Variants in VPS33B observed in about 807,000 individuals in gnomAD.
The protein encoded by VPS33B is VPS33B late endosome and lysosome associated, also known as vacuolar protein sorting-associated protein 33B.
VPS33B carries 80 observed loss-of-function variants against 95.3 expected under a neutral mutation model. The observed-to-expected ratio is 0.84, with a 90% CI of 0.70 to 1.01. VPS33B has a LOEUF of 1.01. VPS33B is among the 50% of genes least tolerant of loss of function. The pLI is 0.00. For synonymous variants in VPS33B, 280 were observed against 280.4 expected (o/e 1.00, Z 0.01); for missense variants, 715 against 773.4 (o/e 0.92, Z 0.90).
Position 91,014,463 on chromosome 15 carries a change from A to G in VPS33B, c.240-30T>C, listed in dbSNP as rs761955050. The G allele has an allele frequency of 2.5e-6, 4 of 1,612,264 alleles. No individual in the cohort carries two copies. In the East Asian group the frequency reaches 8.9e-5, roughly 36 times the overall value. On this transcript the variant is annotated intron_variant, in intron 3 of 22. Coordinates refer to ENST00000333371, the MANE Select transcript of VPS33B (RefSeq NM_018668.5). Reference sequence around the variant, plus strand: ...GAGAGAGAAAGAAAAAAAAACAGTGAAGAAGAATTATCAAGTTGGATAGCA... The same window carrying G: ...GAGAGAGAAAGAAAAAAAAACAGTGGAGAAGAATTATCAAGTTGGATAGCA...
In VPS33B at chr15:91,016,946, C is replaced by G; in HGVS notation, c.239+17G>C. The G allele has an allele frequency of 6.2e-7, 1 of 1,613,808 alleles. No homozygotes were observed. The highest frequency in any genetic ancestry group is 8.5e-7 in the Non-Finnish European group (1 of 1,179,754). On this transcript the variant is annotated intron_variant, in intron 3 of 22. Transcript: ENST00000333371. ...TCTTCCAGCTTGGAGTAGGGACAGACTCTCCCAGACACTCACTGTTCATTG... is the reference window on the plus strand; with the variant it reads ...TCTTCCAGCTTGGAGTAGGGACAGAGTCTCCCAGACACTCACTGTTCATTG...
chr15:91,006,744 C>T lies in VPS33B; in HGVS notation c.701-15G>A. On this transcript the variant is annotated splice_polypyrimidine_tract_variant and intron_variant, in intron 9 of 22. Coordinates refer to ENST00000333371, the MANE Select transcript of VPS33B (RefSeq NM_018668.5). The surrounding 1 kb of genome is among the most constrained non-coding windows in gnomAD (Gnocchi z 5.4). ...AAAGTCCACATCTGAAACAGAGATC[C>T]CTGACCATGAAGGTTCTCCCTGACC... 1 of 1,614,154 alleles carries T rather than the reference C, an allele frequency of 6.2e-7. No individual in the cohort carries two copies. Among genetic ancestry groups the T allele is most frequent in the South Asian group, 1.1e-5 (1 of 91,088 alleles).
rs3743448 is a variant in VPS33B, at chr15:91,001,981, C to T, written c.1405+69G>A. On this transcript the variant is annotated intron_variant, in intron 18 of 22. Transcript: ENST00000333371. ...CTTCTCCAATTCATTCTGTCCCTCC[C>T]AGCATGCTGCGTGTTGAGAGAAGTC... 169,844 of 1,610,174 alleles carry T rather than the reference C, an allele frequency of 0.11. 15,068 individuals are homozygous for T. The highest frequency in any genetic ancestry group is 0.5 in the East Asian group (22,177 of 44,792).
In VPS33B at chr15:91,009,760, ATGTT is replaced by A; in HGVS notation, c.403+37_403+40del. 6.2e-7 allele frequency: 1 copy of A among 1,611,094 alleles called. No individual in the cohort carries two copies. Among genetic ancestry groups the A allele is most frequent in the Non-Finnish European group, 8.5e-7 (1 of 1,177,402 alleles). Reference sequence around the variant, plus strand: ...GAACAACAACAGTTTTTTCTTCTGTATGTTCTCTTTCCCTTTCCACTCACATTCA... The same window carrying A: ...GAACAACAACAGTTTTTTCTTCTGTACTCTTTCCCTTTCCACTCACATTCA... On this transcript the variant is annotated intron_variant, in intron 6 of 22. Transcript: ENST00000333371. The surrounding 1 kb of genome is among the most constrained non-coding windows in gnomAD (Gnocchi z 4.1).
At position 91,007,143 on chromosome 15, in the gene VPS33B, G is replaced by A; in HGVS notation, c.604-97C>T. On this transcript the variant is annotated intron_variant, in intron 8 of 22. Transcript: ENST00000333371. This position sits in a 1 kb window ranked among gnomAD's most constrained non-coding sequence, Gnocchi z 5.3. ...CCCTTTCCACGTGATACTTCCTCTT[G>A]TCCCCGAGACAGGAGCTAATTATTC... 2 of 1,330,726 alleles carry A rather than the reference G, an allele frequency of 1.5e-6. No individual in the cohort carries two copies. The highest frequency in any genetic ancestry group is 2.1e-6 in the Non-Finnish European group (2 of 937,026). The allele number at this position is 1,330,726 out of a possible 1,614,324, so 82.4% of individuals were successfully genotyped here. A position where few individuals can be genotyped will look rare whatever the true frequency, so the allele number is the denominator to read the frequency against.
chr15:91,022,331 G>C lies in VPS33B; in HGVS notation c.-82C>G. The C allele has an allele frequency of 7.1e-7, 1 of 1,413,818 alleles. No homozygotes were observed. The allele number at this position is 1,413,818 out of a possible 1,614,324, so 87.6% of individuals were successfully genotyped here. ...GCCGCAGCCCAGGGAAGCGCAAGGG[G>C]GGCTATCCTTCAGGCCTGGGCACCG... On this transcript the variant is annotated 5_prime_UTR_variant, in exon 1 of 23. Transcript: ENST00000333371.
chr15:91,012,252 T>C (rs1405160512), intron 5 of VPS33B, among the ~76,000 whole-genome samples: 2 of 152,174 alleles, frequency 1.3e-5, no homozygotes, highest in Non-Finnish European at 2.9e-5. Context: ...ATTTGTAAGA[T>C]TGTGCTATCA....
chr15:91,007,119 C>T lies in VPS33B; in HGVS notation c.604-73G>A. 1.3e-6 allele frequency: 2 copies of T among 1,514,758 alleles called. No homozygotes were observed. The highest frequency in any genetic ancestry group is 3.3e-5 in the Admixed American group (2 of 59,932). The allele number at this position is 1,514,758 out of a possible 1,614,324, so 93.8% of individuals were successfully genotyped here. A position where few individuals can be genotyped will look rare whatever the true frequency, so the allele number is the denominator to read the frequency against. ...CAGCCCCATACCTACAGAAGTCAGC[C>T]CTTTCCACGTGATACTTCCTCTTGT... On this transcript the variant is annotated intron_variant, in intron 8 of 22. Coordinates refer to ENST00000333371, the MANE Select transcript of VPS33B (RefSeq NM_018668.5). This position sits in a 1 kb window ranked among gnomAD's most constrained non-coding sequence, Gnocchi z 5.3.
chr15:91,020,130 A>C (rs1403379691), intron 1 of VPS33B, among the ~76,000 whole-genome samples: 1 of 152,182 alleles, frequency 6.6e-6, no homozygotes, highest in Non-Finnish European at 1.5e-5. Context: ...TACTTGAAAG[A>C]AATTAACAGT....
At position 91,002,231 on chromosome 15, in the gene VPS33B, A is replaced by T; in HGVS notation, c.1273-49T>A. The T allele has an allele frequency of 1.9e-6, 3 of 1,610,622 alleles. No homozygotes were observed. Among genetic ancestry groups the T allele is most frequent in the Non-Finnish European group, 2.5e-6 (3 of 1,178,390 alleles). ...TTTACTGAGTGTCCAAAGAGCATCT[A>T]GTACTGTCAGGTACTACAGAGTTGA... On this transcript the variant is annotated intron_variant, in intron 17 of 22. Transcript: ENST00000333371. This position sits in a 1 kb window ranked among gnomAD's most constrained non-coding sequence, Gnocchi z 4.7.
rs1049395774 is a variant in VPS33B, at chr15:91,009,268, T to G, written c.403+533A>C. Among the ~76,000 whole-genome samples, 4 of 148,770 alleles carry G rather than the reference T, an allele frequency of 2.7e-5. No individual in the cohort carries two copies. Among genetic ancestry groups the G allele is most frequent in the African/African-American group, 7.7e-5 (3 of 38,828 alleles). ...TCTTTTCCCTCCCTCCCTCTCTCTC[T>G]TTCTCTCTTTTCTTTTATTTTCTTT... is the stretch of plus-strand genomic sequence containing the variant. On this transcript the variant is annotated intron_variant, in intron 6 of 22. Coordinates refer to ENST00000333371, the MANE Select transcript of VPS33B (RefSeq NM_018668.5). This position sits in a 1 kb window ranked among gnomAD's most constrained non-coding sequence, Gnocchi z 4.1.
rs990466738 is a variant in VPS33B, at chr15:90,999,225, T to G, written c.1775-171A>C. 4 of 698,258 alleles carry G rather than the reference T, an allele frequency of 5.7e-6. No homozygotes were observed. In the African/African-American group the frequency reaches 7.2e-5, roughly 13 times the overall value. The allele number at this position is 698,258 out of a possible 1,614,324, so 43.3% of individuals were successfully genotyped here. ...CACTGCTTTCTATGACTGGTATAACTGGGCTCCCTGCTGTGGCAGCCCAGA... is the reference window on the plus strand; with the variant it reads ...CACTGCTTTCTATGACTGGTATAACGGGGCTCCCTGCTGTGGCAGCCCAGA... On this transcript the variant is annotated intron_variant, in intron 22 of 22. Transcript: ENST00000333371. The surrounding 1 kb of genome is among the most constrained non-coding windows in gnomAD (Gnocchi z 5.1).
rs776763253 is a variant in VPS33B at position 91,005,828 on chromosome 15, G to A, written c.940-44C>T. The A allele has an allele frequency of 1.2e-5, 19 of 1,612,348 alleles. No homozygotes were observed. The highest frequency in any genetic ancestry group is 2.7e-5 in the African/African-American group (2 of 74,854). Reference sequence around the variant, plus strand: ...AGGTGAACCCCCCAACCTCAGACACGAGAAACCACCACCCTCCCTCAGTTG... The same window carrying A: ...AGGTGAACCCCCCAACCTCAGACACAAGAAACCACCACCCTCCCTCAGTTG... On this transcript the variant is annotated intron_variant, in intron 12 of 22. Coordinates refer to ENST00000333371, the MANE Select transcript of VPS33B (RefSeq NM_018668.5). The surrounding 1 kb of genome is among the most constrained non-coding windows in gnomAD (Gnocchi z 6.4).
Position 91,013,787 on chromosome 15 carries a change from C to G in VPS33B, c.357+17G>C. ...CCTGTTCTACCTTATCCCACTTCCTCCAGGATCCAAACTCACCTTTTGAGG... is the reference window on the plus strand; with the variant it reads ...CCTGTTCTACCTTATCCCACTTCCTGCAGGATCCAAACTCACCTTTTGAGG... On this transcript the variant is annotated intron_variant, in intron 5 of 22. Coordinates refer to ENST00000333371, the MANE Select transcript of VPS33B (RefSeq NM_018668.5). This position sits in a 1 kb window ranked among gnomAD's most constrained non-coding sequence, Gnocchi z 4.5. 2 of 1,614,146 alleles carry G rather than the reference C, an allele frequency of 1.2e-6. No individual in the cohort carries two copies. The highest frequency in any genetic ancestry group is 1.7e-6 in the Non-Finnish European group (2 of 1,179,990).
In VPS33B at chr15:91,011,650, C is replaced by T. The variant is rs2040782320; in HGVS notation, c.358-1804G>A. Among the ~76,000 whole-genome samples, 1 of 152,124 alleles carries T rather than the reference C, an allele frequency of 6.6e-6. No homozygotes were observed. The highest frequency in any genetic ancestry group is 2.4e-5 in the African/African-American group (1 of 41,418). ...TTTGTTTTTCTGTGTAATAGAGAGGCTTGTAGGATTATTTTAACTTGTAGG... is the reference window on the plus strand; with the variant it reads ...TTTGTTTTTCTGTGTAATAGAGAGGTTTGTAGGATTATTTTAACTTGTAGG... On this transcript the variant is annotated intron_variant, in intron 5 of 22. Coordinates refer to ENST00000333371, the MANE Select transcript of VPS33B (RefSeq NM_018668.5). The surrounding 1 kb of genome is among the most constrained non-coding windows in gnomAD (Gnocchi z 5.5).
rs1043780278 is a variant in VPS33B at position 91,013,217 on chromosome 15, C to T, written c.357+587G>A. 1.3e-5 allele frequency among the ~76,000 whole-genome samples: 2 copies of T among 152,192 alleles called. No homozygotes were observed. The highest frequency in any genetic ancestry group is 4.8e-5 in the African/African-American group (2 of 41,442). On this transcript the variant is annotated intron_variant, in intron 5 of 22. Coordinates refer to ENST00000333371, the MANE Select transcript of VPS33B (RefSeq NM_018668.5). The surrounding 1 kb of genome is among the most constrained non-coding windows in gnomAD (Gnocchi z 4.5). ...AAATCTACGTAGAGGCCTCTTCGCA[C>T]AATTCCACAATACTTTATTTGGGAC...
chr15:90,998,629 T>A (rs775697883), downstream of VPS33B: 29 of 370,608 alleles, frequency 7.8e-5, no homozygotes, highest in Non-Finnish European at 1.5e-4. This position sits in a 1 kb window ranked among gnomAD's most constrained non-coding sequence, Gnocchi z 4.8. Context: ...CCAATGGGCT[T>A]TCACTAATAA....
At chr15:91,012,091 A>G (rs1193932884) in intron 5 of VPS33B, among the ~76,000 whole-genome samples, 2 of 151,602 alleles carry the variant, frequency 1.3e-5, no homozygotes, top group Non-Finnish European at 2.9e-5. Flanking sequence ...AAAGGTTTGT[A>G]AGAGTCCAAG....
intron 3 of VPS33B, among the ~76,000 whole-genome samples, chr15:91,016,025 C>A (rs1219135954): frequency 6.6e-6 from 1 of 151,858 alleles, no homozygotes; most frequent in Admixed American, 6.6e-5. Flanking sequence ...ACATGCCGAG[C>A]GAACAGGACA....
Sources: allele counts gnomAD v4.1 joint callset (sites outside exome capture counted in the v4.1 genomes callset), GRCh38; gene constraint gnomAD v4.1.1; non-coding constraint Gnocchi (gnomAD v3.1); transcripts MANE v1.5; gene names NCBI Gene and HGNC (gene_info 2026-07-23, HGNC 2026-07-21).